The following TASP1 variants were observed in gnomAD, a reference collection of about 807,000 sequenced individuals.
TASP1 encodes taspase 1, also known as threonine aspartase 1.
TASP1 carries 16 observed loss-of-function variants against 56.6 expected under a neutral mutation model. The ratio of observed to expected loss-of-function variants is 0.28; its 90% CI spans 0.19 to 0.43. The LOEUF is 0.43. Among genes scored for constraint, TASP1 ranks in the 20% least tolerant of loss-of-function variants. TASP1 has a pLI of 1.00. For synonymous variants in TASP1, 179 were observed against 184.2 expected (o/e 0.97, Z 0.23); for missense variants, 393 against 511.6 (o/e 0.77, Z 2.24).
At chr20:13,188,319 A>T in the TASP1 span, among the ~76,000 whole-genome samples, 1 of 152,182 alleles carries the variant, frequency 6.6e-6, no homozygotes, top group Non-Finnish European at 1.5e-5. Context: ...AAAATTCCTA[A>T]ACTAATAAAT....
At chr20:13,408,381 T>C (rs1370361666) in intron 13 of TASP1, among the ~76,000 whole-genome samples, 1 of 152,192 alleles carries the variant, frequency 6.6e-6, no homozygotes, top group Non-Finnish European at 1.5e-5. Flanking sequence ...CGGGCAATAA[T>C]ACTGCTGGAT....
intron 6 of TASP1, among the ~76,000 whole-genome samples, chr20:13,570,724 T>G (rs1332042580): frequency 6.6e-6 from 1 of 152,122 alleles, no homozygotes; most frequent in African/African-American, 2.4e-5. Flanking sequence ...TTCTAAAGGA[T>G]TCTAAGAATA....
chr20:13,418,846 T>C (rs1485745072), intron 12 of TASP1, among the ~76,000 whole-genome samples: 1 of 152,178 alleles, frequency 6.6e-6, no homozygotes, highest in Non-Finnish European at 1.5e-5. Flanking sequence ...ATAACCAGAA[T>C]TGAATGAGGA....
chr20:13,537,613 C>A (rs1015506573), intron 8 of TASP1, among the ~76,000 whole-genome samples: 1 of 152,128 alleles, frequency 6.6e-6, no homozygotes, highest in Non-Finnish European at 1.5e-5. Context: ...AATATATGCA[C>A]TACACAGATA....
chr20:13,430,858 T>C (rs1349431837), intron 12 of TASP1, among the ~76,000 whole-genome samples: 1 of 152,228 alleles, frequency 6.6e-6, no homozygotes, highest in Non-Finnish European at 1.5e-5. Flanking sequence ...CAAAAGTGTC[T>C]GTTACTTGAG....
the TASP1 span, among the ~76,000 whole-genome samples, chr20:13,276,901 G>A: frequency 2.0e-5 from 3 of 152,308 alleles, no homozygotes; most frequent in African/African-American, 4.8e-5. Context: ...TTTGATATCA[G>A]CATGAGGTTT....
chr20:13,241,957 A>C, the TASP1 span, among the ~76,000 whole-genome samples: 1 of 152,154 alleles, frequency 6.6e-6, no homozygotes, highest in South Asian at 2.1e-4. Context: ...CGTTGCAAGG[A>C]AATGATTAAA....
intron 11 of TASP1, among the ~76,000 whole-genome samples, chr20:13,436,628 A>C (rs2043014318): frequency 6.6e-6 from 1 of 152,164 alleles, no homozygotes; most frequent in African/African-American, 2.4e-5. Flanking sequence ...GAAAGAGGCT[A>C]CACACTGAAA....
At chr20:13,606,806 CA>C (rs71334137) in intron 4 of TASP1, among the ~76,000 whole-genome samples, 204 of 75,220 alleles carry the variant, frequency 2.7e-3, no homozygotes, top group Admixed American at 3.9e-3. Flanking sequence ...GACTCCGTCT[CA>C]AAAAAAAAAA....
chr20:13,299,633 C>T, the TASP1 span: 1 of 628,382 alleles, frequency 1.6e-6, no homozygotes, highest in Non-Finnish European at 2.6e-6. This position sits in a 1 kb window ranked among gnomAD's most constrained non-coding sequence, Gnocchi z 5.8. Context: ...CAGGGGACTG[C>T]CTTGTGAAGC....
chr20:13,468,075 A>T (rs1419803627), intron 11 of TASP1, among the ~76,000 whole-genome samples: 2 of 152,132 alleles, frequency 1.3e-5, no homozygotes, highest in Non-Finnish European at 2.9e-5. Context: ...AACCACATAC[A>T]CACATTTACA....
At chr20:13,529,172 T>G (rs975175708) in intron 9 of TASP1, among the ~76,000 whole-genome samples, 9 of 152,220 alleles carry the variant, frequency 5.9e-5, no homozygotes, top group Non-Finnish European at 1.3e-4. Context: ...AAAGGCCTAC[T>G]CAAGCTCATC....
chr20:13,498,116 G>C (rs1207878995), intron 10 of TASP1, among the ~76,000 whole-genome samples: 1 of 152,036 alleles, frequency 6.6e-6, no homozygotes, highest in Non-Finnish European at 1.5e-5. Context: ...ATTGACAAGA[G>C]GGATCCAATT....
At chr20:13,316,932 T>A in the TASP1 span, among the ~76,000 whole-genome samples, 2 of 151,582 alleles carry the variant, frequency 1.3e-5, no homozygotes, top group African/African-American at 4.8e-5. Flanking sequence ...AAGTCCTATC[T>A]AATGCAATAA....
chr20:13,134,159 A>T, the TASP1 span, among the ~76,000 whole-genome samples: 1 of 152,346 alleles, frequency 6.6e-6, no homozygotes, highest in African/African-American at 2.4e-5. Context: ...CTGACACATC[A>T]TAGGCCTTCA....
In TASP1 at chr20:13,630,017, G is replaced by A. The variant is rs148869724; in HGVS notation, c.62C>T (p.Ser21Leu). ...CTCTTTGGCTGTTATTTTACCAGCC[G>A]AAACCTGAGATGATCTGGAAGGCAG... ...EGLPSRSSQV[S>L]AGKITAKELE... The change falls in exon 2 of 14, where the codon TCG becomes TTG. Residue 21 changes from serine (S) to leucine (L), a missense_variant. Around this residue, in one of 3 missense-constraint regions of TASP1, gnomAD observed 52 missense variants for 51.1 expected, o/e 1.02. Coordinates refer to ENST00000337743, the MANE Select transcript of TASP1 (RefSeq NM_017714.3). 259 of 1,613,746 alleles carry A rather than the reference G, an allele frequency of 1.6e-4. 1 individual carries two copies. The highest frequency in any genetic ancestry group is 1.4e-3 in the East Asian group (65 of 44,862).
chr20:13,119,165 G>A, the TASP1 span, among the ~76,000 whole-genome samples: 1 of 152,226 alleles, frequency 6.6e-6, no homozygotes, highest in South Asian at 2.1e-4. Flanking sequence ...TGAGCTTGTG[G>A]TTTTGTGATT....
At chr20:13,319,553 G>A in the TASP1 span, among the ~76,000 whole-genome samples, 1 of 152,150 alleles carries the variant, frequency 6.6e-6, no homozygotes, top group East Asian at 1.9e-4. Context: ...TGAAAGGAAA[G>A]AAAGACAGGC....
chr20:13,222,787 G>T, the TASP1 span, among the ~76,000 whole-genome samples: 1 of 152,182 alleles, frequency 6.6e-6, no homozygotes, highest in Non-Finnish European at 1.5e-5. Context: ...TTGAGTCTAG[G>T]GGTGGGACAA....
Sources: allele counts gnomAD v4.1 joint callset (sites outside exome capture counted in the v4.1 genomes callset), GRCh38; gene constraint gnomAD v4.1.1; regional missense constraint gnomAD v4.1.1; non-coding constraint Gnocchi (gnomAD v3.1); transcripts MANE v1.5; gene names NCBI Gene and HGNC (gene_info 2026-07-23, HGNC 2026-07-21).